ATP1A1: variants seen among roughly 807,000 people sequenced by gnomAD.
ATP1A1 encodes the protein sodium/potassium-transporting ATPase subunit alpha-1.
In ATP1A1, 14 loss-of-function variants were observed where a neutral mutation model predicts 114.8. That is an observed-to-expected ratio of 0.12 (90% CI 0.08 to 0.19). The LOEUF is 0.19. Ranked by LOEUF, ATP1A1 falls within the 10% of genes least tolerant of loss-of-function variation. The pLI is 1.00. For synonymous variants in ATP1A1, 471 were observed against 466.3 expected (o/e 1.01, Z -0.13); for missense variants, 524 against 1,290.7 (o/e 0.41, Z 9.10).
chr1:116,384,799 G>A lies in ATP1A1; in HGVS notation c.140G>A (p.Ser47Asn). Residue 47 changes from serine (S) to asparagine (N), a missense_variant, in exon 3 of 23, where the codon AGC (serine) becomes AAC (asparagine). Physicochemically the swap from Ser to Asn is conservative, Grantham distance 46. Transcript: ENST00000295598. This position sits in a 1 kb window ranked among gnomAD's most constrained non-coding sequence, Gnocchi z 5.1. ...TTCCCTTAGGATGATCATAAACTTAGCCTTGATGAACTTCATCGTAAATAT... is the reference window on the plus strand; with the variant it reads ...TTCCCTTAGGATGATCATAAACTTAACCTTGATGAACTTCATCGTAAATAT... ...KEVSMDDHKL[S>N]LDELHRKYGT... The A allele has an allele frequency of 6.2e-7, 1 of 1,613,128 alleles. No homozygotes were observed.
Position 116,381,963 on chromosome 1 carries a change from TAAG to T in ATP1A1, c.13-2050_13-2048del, listed in dbSNP as rs1282230903. Among the ~76,000 whole-genome samples, 1 of 152,146 alleles carries T rather than the reference TAAG, an allele frequency of 6.6e-6. No homozygotes were observed. The highest frequency in any genetic ancestry group is 6.5e-5 in the Admixed American group (1 of 15,276). ...AGGCCGAGGTGGGTGGATCATGAGGTAAGGAGTTCAAGACCAGCCTGGCCAAGA... is the reference window on the plus strand; with the variant it reads ...AGGCCGAGGTGGGTGGATCATGAGGTGAGTTCAAGACCAGCCTGGCCAAGA... On this transcript the variant is annotated intron_variant, in intron 1 of 22. Transcript: ENST00000295598. This position sits in a 1 kb window ranked among gnomAD's most constrained non-coding sequence, Gnocchi z 5.1.
rs750607710 is a variant in ATP1A1, at chr1:116,390,876, C to T, written c.1317C>T (p.Asn439=). The change falls in exon 10 of 23, where the codon AAC becomes AAT. Residue 439 remains asparagine, a synonymous_variant. Transcript: ENST00000295598. ...CAGTGTTTCAGGCTAACCAGGAAAA[C>T]CTACCTATTCTTAAGGTATGCTCAA... The part of the protein sequence containing the change: ...NRAVFQANQE[N]LPILKRAVAG... 9.3e-6 allele frequency: 15 copies of T among 1,613,676 alleles called. No homozygotes were observed. In the Admixed American group the frequency reaches 2.2e-4, roughly 23 times the overall value.
chr1:116,373,870 A>C, intron 1 of ATP1A1: 1 of 1,254,680 alleles, frequency 8.0e-7, no homozygotes, highest in Non-Finnish European at 1.0e-6. Context: ...GGCTTGCAGC[A>C]GCGGGGGCGG....
At chr1:116,396,362 A>G (rs1652931810) in intron 13 of ATP1A1, among the ~76,000 whole-genome samples, 2 of 141,148 alleles carry the variant, frequency 1.4e-5, no homozygotes, top group South Asian at 2.2e-4. Flanking sequence ...GACATTGTGT[A>G]TGCTAGTGAT....
In ATP1A1 at chr1:116,399,379, T is replaced by C; in HGVS notation, c.2449-41T>C. 1 of 1,598,528 alleles carries C rather than the reference T, an allele frequency of 6.3e-7. No homozygotes were observed. On this transcript the variant is annotated intron_variant, in intron 17 of 22. Transcript: ENST00000295598. This position sits in a 1 kb window ranked among gnomAD's most constrained non-coding sequence, Gnocchi z 5.0. ...AAAAGGTTCACAATATTAGCTTCCT[T>C]ATTTTTAGTAACTAAATTCCTTCTC...
chr1:116,399,414 TC>T lies in ATP1A1; in HGVS notation c.2449-3del. 6.2e-7 allele frequency: 1 copy of T among 1,613,950 alleles called. No homozygotes were observed. The highest frequency in any genetic ancestry group is 8.5e-7 in the Non-Finnish European group (1 of 1,179,904). On this transcript the variant is annotated splice_polypyrimidine_tract_variant and splice_region_variant and intron_variant, in intron 17 of 22. Coordinates refer to ENST00000295598, the MANE Select transcript of ATP1A1 (RefSeq NM_000701.8). This position sits in a 1 kb window ranked among gnomAD's most constrained non-coding sequence, Gnocchi z 5.0. ...AACTAAATTCCTTCTCCCCACCCCT[TC>T]CCAGGTTCCTGCCATCTCCCTGGCT...
Position 116,391,006 on chromosome 1 carries a change from C to T in ATP1A1, c.1332+115C>T, listed in dbSNP as rs112383723. The T allele has an allele frequency of 1.7e-3, 1,462 of 874,852 alleles. 24 individuals are homozygous for T. In the African/African-American group the frequency reaches 0.021, roughly 13 times the overall value. 54.2% of individuals were successfully genotyped at this position (874,852 alleles called of 1,614,324 possible). ...CTGTGTGACTGTTCACTGTAGAACA[C>T]CTGGAGTGGTCTGTGCAGTACTTTG... is the stretch of plus-strand genomic sequence containing the variant. On this transcript the variant is annotated intron_variant, in intron 10 of 22. Transcript: ENST00000295598.
Position 116,388,811 on chromosome 1 carries a change from G to T in ATP1A1, c.636+39G>T. 1 of 1,613,038 alleles carries T rather than the reference G, an allele frequency of 6.2e-7. No homozygotes were observed. Among genetic ancestry groups the T allele is most frequent in the Non-Finnish European group, 8.5e-7 (1 of 1,179,298 alleles). On this transcript the variant is annotated intron_variant, in intron 6 of 22. Transcript: ENST00000295598. This position sits in a 1 kb window ranked among gnomAD's most constrained non-coding sequence, Gnocchi z 5.6. Reference sequence around the variant, plus strand: ...TTTAACAAACCTCATAGCTAGCTCTGCTGTTCGGGCAGCTTGATTTGAGGG... The same window carrying T: ...TTTAACAAACCTCATAGCTAGCTCTTCTGTTCGGGCAGCTTGATTTGAGGG...
At chr1:116,396,852 C>T in intron 14 of ATP1A1, 118 bp downstream of exon 14, 3 of 1,266,268 alleles carry the variant, frequency 2.4e-6, no homozygotes, top group East Asian at 2.9e-5. Context: ...AGGAAATGTA[C>T]CTGCACTGCC....
At position 116,395,836 on chromosome 1, in the gene ATP1A1, C is replaced by T. The variant is rs1652868387; in HGVS notation, c.1836+551C>T. 6.6e-6 allele frequency among the ~76,000 whole-genome samples: 1 copy of T among 152,188 alleles called. No individual in the cohort carries two copies. Among genetic ancestry groups the T allele is most frequent in the Admixed American group, 6.5e-5 (1 of 15,278 alleles). ...GCACGATCTCGGCTCACTGCAACCTCCGCCTCCCAGGTTCAAGCAATTCTC... is the reference window on the plus strand; with the variant it reads ...GCACGATCTCGGCTCACTGCAACCTTCGCCTCCCAGGTTCAAGCAATTCTC... On this transcript the variant is annotated intron_variant, in intron 13 of 22. Transcript: ENST00000295598. This position sits in a 1 kb window ranked among gnomAD's most constrained non-coding sequence, Gnocchi z 6.4.
At chr1:116,403,232 T>G (rs546377356) in intron 21 of ATP1A1, among the ~76,000 whole-genome samples, 10 of 152,304 alleles carry the variant, frequency 6.6e-5, no homozygotes, top group Admixed American at 2.6e-4. Flanking sequence ...ACCGGAGTCC[T>G]GCCCAGGGAC....
At position 116,395,364 on chromosome 1, in the gene ATP1A1, C is replaced by G; in HGVS notation, c.1836+79C>G. ...CTCAGTGAATGTTGCCTTTTGAGGT[C>G]CAGATGGCCAGCTGTTCTATCTCAC... On this transcript the variant is annotated intron_variant, in intron 13 of 22. Coordinates refer to ENST00000295598, the MANE Select transcript of ATP1A1 (RefSeq NM_000701.8). The surrounding 1 kb of genome is among the most constrained non-coding windows in gnomAD (Gnocchi z 6.4). 1.4e-6 allele frequency: 2 copies of G among 1,475,290 alleles called. No individual in the cohort carries two copies. The allele number at this position is 1,475,290 out of a possible 1,614,324, so 91.4% of individuals were successfully genotyped here.
In ATP1A1 at chr1:116,387,485, C is replaced by T. The variant is rs780454703; in HGVS notation, c.381C>T (p.Asn127=). ...CTGCTACAGAAGAGGAACCTCAAAA[C>T]GATAATGTGAGTTCTGTAATTCAGC... ...IQAATEEEPQ[N]DNLYLGVVLS... Residue 127 remains asparagine, a synonymous_variant, in exon 4 of 23, where the codon AAC becomes AAT. Coordinates refer to ENST00000295598, the MANE Select transcript of ATP1A1 (RefSeq NM_000701.8). This position sits in a 1 kb window ranked among gnomAD's most constrained non-coding sequence, Gnocchi z 6.7. 26 of 1,614,048 alleles carry T rather than the reference C, an allele frequency of 1.6e-5. No individual in the cohort carries two copies. The highest frequency in any genetic ancestry group is 8.8e-5 in the South Asian group (8 of 91,090).
chr1:116,396,308 G>A (rs1160946868), intron 13 of ATP1A1, among the ~76,000 whole-genome samples: 1 of 101,248 alleles, frequency 9.9e-6, no homozygotes. Flanking sequence ...GCTGGTTTTA[G>A]TAATTTTCAA....
intron 10 of ATP1A1, 74 bp downstream of exon 10, chr1:116,390,965 A>G: frequency 7.6e-7 from 1 of 1,323,476 alleles, no homozygotes; most frequent in South Asian, 1.2e-5. Flanking sequence ...TAAAAGTAGC[A>G]AATTACCTTT....
chr1:116,399,554 G>A lies in ATP1A1; in HGVS notation c.2572+11G>A, dbSNP rs1653245762. The A allele has an allele frequency of 6.2e-7, 1 of 1,613,820 alleles. No individual in the cohort carries two copies. Among genetic ancestry groups the A allele is most frequent in the Non-Finnish European group, 8.5e-7 (1 of 1,179,902 alleles). On this transcript the variant is annotated intron_variant, in intron 18 of 22. Transcript: ENST00000295598. The surrounding 1 kb of genome is among the most constrained non-coding windows in gnomAD (Gnocchi z 5.0). ...CCTATGGGCAGATTGGTAAGCTGCAGCCTGGAGTGGGAAGCTGGCACATCT... is the reference window on the plus strand; with the variant it reads ...CCTATGGGCAGATTGGTAAGCTGCAACCTGGAGTGGGAAGCTGGCACATCT...
At chr1:116,376,481 AC>A (rs1366648487) in intron 1 of ATP1A1, among the ~76,000 whole-genome samples, 2 of 152,220 alleles carry the variant, frequency 1.3e-5, no homozygotes, top group Non-Finnish European at 2.9e-5. Flanking sequence ...GGAGCAAGTT[AC>A]AGGAAGAACT....
intron 1 of ATP1A1, 92 bp downstream of exon 1, chr1:116,373,615 G>A (rs1017572848): frequency 1.8e-4 from 230 of 1,287,954 alleles, no homozygotes; most frequent in Non-Finnish European, 2.1e-4. Context: ...AGCGGGAGGC[G>A]GCGGAGGAGG....
At position 116,393,505 on chromosome 1, in the gene ATP1A1, G is replaced by GT; in HGVS notation, c.1468-23dup. 6.3e-7 allele frequency: 1 copy of GT among 1,596,848 alleles called. No homozygotes were observed. Among genetic ancestry groups the GT allele is most frequent in the Non-Finnish European group, 8.6e-7 (1 of 1,168,516 alleles). On this transcript the variant is annotated intron_variant, in intron 11 of 22. Transcript: ENST00000295598. The surrounding 1 kb of genome is among the most constrained non-coding windows in gnomAD (Gnocchi z 5.0). ...ACTGCCACACATCCAACCATCCAAT[G>GT]TTTATGTCTCAACAATCCTTCACAG...
Sources: gnomAD v4.1 joint callset for allele counts (sites outside exome capture counted in the v4.1 genomes callset) on GRCh38, gnomAD v4.1.1 for gene constraint, Gnocchi (gnomAD v3.1) non-coding constraint, MANE v1.5 for transcripts, NCBI Gene and HGNC (gene_info 2026-07-23, HGNC 2026-07-21) for gene names.